LACTB2: variants seen among roughly 807,000 people sequenced by gnomAD.
LACTB2 encodes endoribonuclease LACTB2.
In LACTB2, 32 loss-of-function variants were observed where a neutral mutation model predicts 34.8. The observed-to-expected ratio is 0.92, with a 90% confidence interval of 0.69 to 1.24. The LOEUF (loss-of-function observed/expected upper bound fraction) is 1.24, where lower values mean the gene tolerates loss of function less well. LACTB2 is among the 50% of genes most tolerant of loss of function. The pLI is 0.00. For synonymous variants in LACTB2, 120 were observed against 117.5 expected (o/e 1.02, Z -0.14); for missense variants, 320 against 345.0 (o/e 0.93, Z 0.57).
At chr8:70,662,920 G>T (rs1300412007) in intron 1 of LACTB2, 1 of 151,992 alleles carries the variant, frequency 6.6e-6, no homozygotes, top group Non-Finnish European at 1.5e-5. Flanking sequence ...AACTCCTGGG[G>T]TCAAGCAATC....
chr8:70,645,063 T>C (rs956662253), intron 3 of LACTB2, among the ~76,000 whole-genome samples: 7 of 152,024 alleles, frequency 4.6e-5, no homozygotes, highest in East Asian at 1.9e-4. Context: ...TATATATATA[T>C]ACACACACAC....
chr8:70,645,919 C>A (rs988047903), intron 3 of LACTB2: 1 of 152,108 alleles, frequency 6.6e-6, no homozygotes, highest in Non-Finnish European at 1.5e-5. Context: ...GTTGGTTCCA[C>A]GTCTTTGCTA....
At chr8:70,650,704 C>A (rs1156869903) in intron 3 of LACTB2, among the ~76,000 whole-genome samples, 1 of 132,800 alleles carries the variant, frequency 7.5e-6, no homozygotes, top group East Asian at 2.3e-4. Context: ...CCACTGCACT[C>A]CAACCTGGGC....
At position 70,669,171 on chromosome 8, in the gene LACTB2, G is replaced by T. The variant is rs760628612; in HGVS notation, c.-51C>A. ...GTCGCCTATCTGGATACTCCAGCGC[G>T]GAAGAAGCCAACAGGCCGGGGATAG... On this transcript the variant is annotated 5_prime_UTR_variant, in exon 1 of 7. Coordinates refer to ENST00000276590, the MANE Select transcript of LACTB2 (RefSeq NM_016027.3). 36 of 1,596,448 alleles carry T rather than the reference G, an allele frequency of 2.3e-5. No homozygotes were observed. The highest frequency in any genetic ancestry group is 4.0e-5 in the African/African-American group (3 of 74,282).
At chr8:70,641,508 G>A (rs1280281845) in intron 4 of LACTB2, among the ~76,000 whole-genome samples, 2 of 152,160 alleles carry the variant, frequency 1.3e-5, no homozygotes, top group Admixed American at 6.5e-5. Flanking sequence ...TCCGTCCACA[G>A]TTACATAGCT....
chr8:70,659,459 C>A (rs997440877), intron 2 of LACTB2, among the ~76,000 whole-genome samples: 1 of 152,136 alleles, frequency 6.6e-6, no homozygotes, highest in African/African-American at 2.4e-5. Flanking sequence ...ATAAAGGAGA[C>A]AGAAACACTG....
At chr8:70,663,908 T>C (rs995551876) in intron 1 of LACTB2, among the ~76,000 whole-genome samples, 1 of 152,222 alleles carries the variant, frequency 6.6e-6, no homozygotes, top group Non-Finnish European at 1.5e-5. Flanking sequence ...AGAAAGCTTG[T>C]CTGTTTGGTT....
chr8:70,660,938 C>T (rs1302508701), intron 2 of LACTB2: 10 of 455,878 alleles, frequency 2.2e-5, no homozygotes, highest in South Asian at 4.6e-5. Flanking sequence ...CCACCATACC[C>T]GGGAAATTTT....
intron 3 of LACTB2, among the ~76,000 whole-genome samples, chr8:70,656,540 T>A (rs1818413862): frequency 6.6e-6 from 1 of 152,192 alleles, no homozygotes; most frequent in Non-Finnish European, 1.5e-5. Flanking sequence ...CATTGGTGTA[T>A]GTGACTATTT....
At chr8:70,642,216 T>C (rs1464794358) in intron 4 of LACTB2, among the ~76,000 whole-genome samples, 2 of 152,150 alleles carry the variant, frequency 1.3e-5, no homozygotes, top group African/African-American at 2.4e-5. Flanking sequence ...GCTTTAAAAA[T>C]AGCTGTCTTT....
At chr8:70,657,923 T>G in intron 2 of LACTB2, 41 bp from the exon 3 acceptor site, 1 of 1,387,636 alleles carries the variant, frequency 7.2e-7, no homozygotes, top group Middle Eastern at 2.3e-4. Flanking sequence ...TCACACTTTA[T>G]AATTAAGCCT....
intron 5 of LACTB2, among the ~76,000 whole-genome samples, chr8:70,639,163 G>GT (rs1303124202): frequency 6.6e-6 from 1 of 151,846 alleles, no homozygotes; most frequent in East Asian, 1.9e-4. Flanking sequence ...GACAGTAGCA[G>GT]TATCTTTTTT....
chr8:70,669,157 G>C lies in LACTB2; in HGVS notation c.-37C>G. 6.2e-7 allele frequency: 1 copy of C among 1,608,350 alleles called. No homozygotes were observed. Among genetic ancestry groups the C allele is most frequent in the Non-Finnish European group, 8.5e-7 (1 of 1,177,370 alleles). ...CCGCCCGCCGGCGTGTCGCCTATCT[G>C]GATACTCCAGCGCGGAAGAAGCCAA... On this transcript the variant is annotated 5_prime_UTR_variant, in exon 1 of 7. Coordinates refer to ENST00000276590, the MANE Select transcript of LACTB2 (RefSeq NM_016027.3).
At position 70,643,208 on chromosome 8, in the gene LACTB2, CTTTTTTTTTTTTTTTTTT is replaced by C. The variant is rs66482767; in HGVS notation, c.592+839_592+856del. On this transcript the variant is annotated intron_variant, in intron 4 of 6. Transcript: ENST00000276590. ...AGACAGGACTTAGGGGTGTATTTTC[CTTTTTTTTTTTTTTTTTT>C]TTTTTTTTTTTTTTTGAGACAGAGT... 2.0e-3 allele frequency among the ~76,000 whole-genome samples: 151 copies of C among 76,222 alleles called. 3 individuals are homozygous for C. The highest frequency in any genetic ancestry group is 6.0e-3 in the African/African-American group (134 of 22,314). 50.0% of individuals were successfully genotyped at this position (76,222 alleles called of 152,430 possible).
chr8:70,639,040 T>C (rs1260438042), intron 5 of LACTB2, among the ~76,000 whole-genome samples: 1 of 151,472 alleles, frequency 6.6e-6, no homozygotes, highest in African/African-American at 2.4e-5. Flanking sequence ...GCCTGGCCTA[T>C]CTTAAACACA....
chr8:70,669,126 C>G lies in LACTB2; in HGVS notation c.-6G>C. 6.2e-7 allele frequency: 1 copy of G among 1,609,022 alleles called. No individual in the cohort carries two copies. Among genetic ancestry groups the G allele is most frequent in the Non-Finnish European group, 8.5e-7 (1 of 1,178,160 alleles). ...CGCTGCAGTACAGCAGCCATTCCCG[C>G]CTCAGCCGCCCGCCGGCGTGTCGCC... On this transcript the variant is annotated 5_prime_UTR_variant, in exon 1 of 7. Coordinates refer to ENST00000276590, the MANE Select transcript of LACTB2 (RefSeq NM_016027.3).
intron 1 of LACTB2, among the ~76,000 whole-genome samples, chr8:70,663,578 T>C (rs1043573618): frequency 6.6e-6 from 1 of 150,568 alleles, no homozygotes; most frequent in African/African-American, 2.4e-5. Context: ...TTAAGAACAT[T>C]TAGAAGGTAC....
At chr8:70,666,794 G>A (rs1319362332) in intron 1 of LACTB2, among the ~76,000 whole-genome samples, 1 of 152,192 alleles carries the variant, frequency 6.6e-6, no homozygotes, top group Non-Finnish European at 1.5e-5. Context: ...GGGTATTTAG[G>A]CATTTCCTTT....
At chr8:70,655,119 G>C (rs934063672) in intron 3 of LACTB2, among the ~76,000 whole-genome samples, 2 of 150,756 alleles carry the variant, frequency 1.3e-5, no homozygotes, top group African/African-American at 2.4e-5. Flanking sequence ...ACATATCAGT[G>C]AGAACAAACA....
Sources: gnomAD v4.1 joint callset for allele counts (sites outside exome capture counted in the v4.1 genomes callset) on GRCh38, gnomAD v4.1.1 for gene constraint, MANE v1.5 for transcripts, NCBI Gene and HGNC (gene_info 2026-07-23, HGNC 2026-07-21) for gene names.